Variants in CNGA3 observed in about 807,000 individuals in gnomAD.
CNGA3 encodes the protein cyclic nucleotide-gated channel alpha-3.
A neutral mutation model predicts 46.6 loss-of-function variants in CNGA3; 42 were observed. The observed-to-expected ratio is 0.90, with a 90% CI of 0.70 to 1.17. The LOEUF (loss-of-function observed/expected upper bound fraction) is 1.17, where lower values mean the gene tolerates loss of function less well. Among genes scored for constraint, CNGA3 ranks in the 50% most tolerant of loss-of-function variants. The pLI is 0.00. For missense variants in CNGA3, 893 were observed against 890.7 expected (o/e 1.00, Z -0.03); for synonymous variants, 394 against 369.4 (o/e 1.07, Z -0.76).
intron 6 of CNGA3, among the ~76,000 whole-genome samples, chr2:98,391,407 TG>T (rs1289692156): frequency 1.3e-5 from 2 of 152,106 alleles, no homozygotes; most frequent in Admixed American, 1.3e-4. Context: ...GGAGGAGAGC[TG>T]GGGGTGCTGC....
intron 1 of CNGA3, among the ~76,000 whole-genome samples, chr2:98,350,224 G>A (rs1015885710): frequency 6.6e-6 from 1 of 152,206 alleles, no homozygotes; most frequent in African/African-American, 2.4e-5. Context: ...TACCTTGGCA[G>A]TAGTAATAAT....
chr2:98,377,542 A>G, intron 2 of CNGA3, 145 bp from the exon 3 acceptor site: 2 of 752,162 alleles, frequency 2.7e-6, no homozygotes, highest in South Asian at 3.1e-5. Context: ...CAGGAGGCAA[A>G]GGGAAGTGGG....
At chr2:98,379,865 G>A in intron 3 of CNGA3, 1 of 459,454 alleles carries the variant, frequency 2.2e-6, no homozygotes, top group Non-Finnish European at 4.0e-6. Context: ...CCCATTTGAA[G>A]GATCATGCCT....
At chr2:98,377,430 T>C in intron 2 of CNGA3, 1 of 467,684 alleles carries the variant, frequency 2.1e-6, no homozygotes. Context: ...CAGGCCAGCA[T>C]GTACTGCCAC....
intron 1 of CNGA3, among the ~76,000 whole-genome samples, chr2:98,357,142 C>A (rs1691900930): frequency 6.6e-6 from 1 of 152,124 alleles, no homozygotes; most frequent in African/African-American, 2.4e-5. Context: ...TAAAAGGAGG[C>A]AGTTCTTGCC....
chr2:98,378,716 A>G (rs558654197), intron 3 of CNGA3, among the ~76,000 whole-genome samples: 22 of 152,354 alleles, frequency 1.4e-4, no homozygotes, highest in African/African-American at 4.6e-4. Flanking sequence ...AAGAAAGAGA[A>G]CACCTTTAAA....
chr2:98,355,110 A>T (rs1691850821), intron 1 of CNGA3, among the ~76,000 whole-genome samples: 1 of 152,184 alleles, frequency 6.6e-6, no homozygotes, highest in Non-Finnish European at 1.5e-5. Flanking sequence ...GGAGTATTAC[A>T]TTGATTGAGT....
chr2:98,387,129 G>A (rs1218023461), intron 5 of CNGA3, among the ~76,000 whole-genome samples: 2 of 152,192 alleles, frequency 1.3e-5, no homozygotes, highest in Admixed American at 1.3e-4. Flanking sequence ...ATTAGGAACC[G>A]TTTTCCCACG....
At chr2:98,357,439 T>C (rs1488294068) in intron 1 of CNGA3, among the ~76,000 whole-genome samples, 1 of 152,204 alleles carries the variant, frequency 6.6e-6, no homozygotes, top group Non-Finnish European at 1.5e-5. Flanking sequence ...TAAGGCAGAA[T>C]TAAGGATTTC....
chr2:98,383,517 C>G, intron 5 of CNGA3, 76 bp downstream of exon 5: 1 of 1,404,810 alleles, frequency 7.1e-7, no homozygotes, highest in South Asian at 1.2e-5. Context: ...AGCTTGGCCT[C>G]TCTCCTTAGT....
intron 6 of CNGA3, among the ~76,000 whole-genome samples, chr2:98,391,513 C>A (rs887441321): frequency 6.6e-6 from 1 of 152,166 alleles, no homozygotes; most frequent in Non-Finnish European, 1.5e-5. Flanking sequence ...TTTTGTTGAA[C>A]TTTGACCCCA....
At chr2:98,356,272 G>T (rs1218094597) in intron 1 of CNGA3, among the ~76,000 whole-genome samples, 6 of 152,160 alleles carry the variant, frequency 3.9e-5, no homozygotes, top group Non-Finnish European at 8.8e-5. Flanking sequence ...CTTGCTGAGT[G>T]CATTTGTCCA....
chr2:98,382,508 G>T (rs1692561833), intron 4 of CNGA3, among the ~76,000 whole-genome samples: 6 of 152,176 alleles, frequency 3.9e-5, no homozygotes, highest in Admixed American at 3.3e-4. Flanking sequence ...CATTTATTTG[G>T]CTGGACATCA....
intron 1 of CNGA3, among the ~76,000 whole-genome samples, chr2:98,353,914 G>A (rs936547418): frequency 6.6e-6 from 1 of 152,172 alleles, no homozygotes; most frequent in Non-Finnish European, 1.5e-5. Flanking sequence ...CAGAACTCAT[G>A]AGAACTCACT....
chr2:98,387,399 G>C (rs2104223158), intron 5 of CNGA3, among the ~76,000 whole-genome samples: 1 of 152,332 alleles, frequency 6.6e-6, no homozygotes, highest in African/African-American at 2.4e-5. Context: ...GCGTGTGGAA[G>C]AGAGAAATCA....
chr2:98,398,535 C>G lies in CNGA3; in HGVS notation c.*1280C>G, dbSNP rs1056928736. ...CCTCAAAATGTATATATTTTAAAAG[C>G]CTTAACTGTTAGTTATGCCTGCATT... On this transcript the variant is annotated 3_prime_UTR_variant, in exon 8 of 8. Coordinates refer to ENST00000272602, the MANE Select transcript of CNGA3 (RefSeq NM_001298.3). 1.3e-5 allele frequency: 2 copies of G among 152,058 alleles called. No homozygotes were observed. Among genetic ancestry groups the G allele is most frequent in the East Asian group, 1.9e-4 (1 of 5,180 alleles). The allele number at this position is 152,058 out of a possible 1,614,324, so 9.4% of individuals were successfully genotyped here.
chr2:98,396,825 T>A lies in CNGA3; in HGVS notation c.1655T>A (p.Ile552Asn). 1.2e-6 allele frequency: 2 copies of A among 1,614,074 alleles called. No homozygotes were observed. Among genetic ancestry groups the A allele is most frequent in the Non-Finnish European group, 1.7e-6 (2 of 1,180,016 alleles). ...SDGSYFGEIS[I>N]LNIKGSKSGN... Reference sequence around the variant, plus strand: ...GGCAGCTACTTCGGGGAGATCAGCATTCTGAACATCAAGGGGAGCAAGTCG... The same window carrying A: ...GGCAGCTACTTCGGGGAGATCAGCAATCTGAACATCAAGGGGAGCAAGTCG... Residue 552 changes from isoleucine to asparagine, a missense_variant, in exon 8 of 8, where the codon ATT becomes AAT. By Grantham distance (149) the Ile-to-Asn change is moderately radical. Around this residue, in one of 3 missense-constraint regions of CNGA3, gnomAD observed 548 missense variants for 570.8 expected, o/e 0.96. Coordinates refer to ENST00000272602, the MANE Select transcript of CNGA3 (RefSeq NM_001298.3).
intron 1 of CNGA3, chr2:98,347,117 A>C (rs1691650433): frequency 6.6e-6 from 1 of 152,350 alleles, no homozygotes; most frequent in African/African-American, 2.4e-5. Flanking sequence ...GGGGGAAGGC[A>C]GCGGCGAAGG....
intron 4 of CNGA3, 74 bp downstream of exon 4, chr2:98,380,428 C>A: frequency 1.9e-6 from 3 of 1,545,168 alleles, no homozygotes; most frequent in Non-Finnish European, 2.6e-6. Context: ...TTTGCTCCAT[C>A]CTGTTTGGAT....
Sources: gnomAD v4.1 joint callset for allele counts (sites outside exome capture counted in the v4.1 genomes callset) on GRCh38, gnomAD v4.1.1 for gene constraint, gnomAD v4.1.1 regional missense constraint, MANE v1.5 for transcripts, NCBI Gene and HGNC (gene_info 2026-07-23, HGNC 2026-07-21) for gene names.